The following OR51M1 variants were observed in gnomAD, a reference collection of about 807,000 sequenced individuals.
OR51M1 encodes the protein olfactory receptor family 51 subfamily M member 1, also known as olfactory receptor 51M1.
For synonymous variants in OR51M1, 199 were observed against 155.1 expected, an observed-to-expected ratio of 1.28 and a Z score of -2.10; for missense variants, 509 against 404.4, an observed-to-expected ratio of 1.26 and a Z score of -2.22.
chr11:5,389,914 C>G lies in OR51M1; in HGVS notation c.516C>G (p.Val172=). Residue 172 remains valine (V), a synonymous_variant, in exon 3 of 3, where the codon GTC becomes GTG. Transcript: ENST00000642046. ...GACCTGTGGCCACTATCCCTATTGT[C>G]CTCCTCCTGAAGGCTTTTCCCTACT... The part of the protein sequence containing the change: ...FRGPVATIPI[V]LLLKAFPYCG... 6.2e-7 allele frequency: 1 copy of G among 1,611,796 alleles called. No homozygotes were observed.
intron 2 of OR51M1, among the ~76,000 whole-genome samples, chr11:5,385,693 T>TATAA (rs374983877): frequency 0.18 from 27,171 of 150,886 alleles, 2,618 homozygotes; most frequent in African/African-American, 0.25. Flanking sequence ...ACCTATAATA[T>TATAA]ATATGTTGTA....
chr11:5,393,195 T>C lies in OR51M1; in HGVS notation c.*2816T>C, dbSNP rs1849822779. 1 of 152,186 alleles carries C rather than the reference T, an allele frequency of 6.6e-6. No homozygotes were observed. Among genetic ancestry groups the C allele is most frequent in the African/African-American group, 2.4e-5 (1 of 41,462 alleles). The allele number at this position is 152,186 out of a possible 1,614,324, so 9.4% of individuals were successfully genotyped here. ...CTAAATCCATCTCCTAGGTCAGTGATCAATAAATATGTGTTGAACTATTTA... is the reference window on the plus strand; with the variant it reads ...CTAAATCCATCTCCTAGGTCAGTGACCAATAAATATGTGTTGAACTATTTA... On this transcript the variant is annotated 3_prime_UTR_variant, in exon 3 of 3. Transcript: ENST00000642046.
chr11:5,389,395 A>C lies in OR51M1; in HGVS notation c.-4A>C. On this transcript the variant is annotated 5_prime_UTR_variant, in exon 3 of 3. Transcript: ENST00000642046. ...CCATTTATTTTCAGCTCAATCCCCG[A>C]GGAATGTCAGTCCAATATTCGCTCA... 6.2e-7 allele frequency: 1 copy of C among 1,610,042 alleles called. No individual in the cohort carries two copies. The highest frequency in any genetic ancestry group is 2.2e-5 in the East Asian group (1 of 44,812).
Position 5,389,621 on chromosome 11 carries a change from C to T in OR51M1, c.223C>T (p.Leu75=), listed in dbSNP as rs1327433792. ...TCTGCACACACCCATGTACTATCTA[C>T]TATCCTTGCTGGCCCTCACTGACCT... ...PRLHTPMYYL[L]SLLALTDLGL... The change falls in exon 3 of 3, where the codon CTA becomes TTA. Residue 75 remains leucine (L), a synonymous_variant. Transcript: ENST00000642046. 1.2e-6 allele frequency: 2 copies of T among 1,613,772 alleles called. No homozygotes were observed. The highest frequency in any genetic ancestry group is 3.3e-5 in the Admixed American group (2 of 60,032).
rs1849804259 is a variant in OR51M1 at position 5,392,102 on chromosome 11, T to TA, written c.*1729dup. On this transcript the variant is annotated 3_prime_UTR_variant, in exon 3 of 3. Coordinates refer to ENST00000642046, the MANE Select transcript of OR51M1 (RefSeq NM_001004756.3). ...ACAAACAAAATTACAAAGCGAAATT[T>TA]AAAAAAGAACCAAACTCTAAAAATA... 1 of 152,020 alleles carries TA rather than the reference T, an allele frequency of 6.6e-6. No individual in the cohort carries two copies. 9.4% of individuals were successfully genotyped at this position (152,020 alleles called of 1,614,324 possible). A position where few individuals can be genotyped will look rare whatever the true frequency, so the allele number is the denominator to read the frequency against.
rs186800052 is a variant in OR51M1 at position 5,389,541 on chromosome 11, T to C, written c.143T>C (p.Met48Thr). ...WIFIPFFFMY[M>T]VAISGNCFIL... ...TTCATCCCCTTTTTCTTTATGTACA[T>C]GGTTGCCATCTCAGGCAATTGTTTC... is the stretch of plus-strand genomic sequence containing the variant. The change falls in exon 3 of 3, where the codon ATG becomes ACG. Residue 48 changes from methionine to threonine, a missense_variant. By Grantham distance (81) the Met-to-Thr change is moderately conservative. Transcript: ENST00000642046. 4 of 1,613,962 alleles carry C rather than the reference T, an allele frequency of 2.5e-6. No homozygotes were observed. The highest frequency in any genetic ancestry group is 8.5e-7 in the Non-Finnish European group (1 of 1,179,884).
Position 5,389,932 on chromosome 11 carries a change from T to C in OR51M1, c.534T>C (p.Phe178=). The C allele has an allele frequency of 6.2e-7, 1 of 1,611,384 alleles. No individual in the cohort carries two copies. The highest frequency in any genetic ancestry group is 8.5e-7 in the Non-Finnish European group (1 of 1,179,884). Residue 178 remains phenylalanine, a synonymous_variant, in exon 3 of 3, where the codon TTT becomes TTC. Coordinates refer to ENST00000642046, the MANE Select transcript of OR51M1 (RefSeq NM_001004756.3). ...CTATTGTCCTCCTCCTGAAGGCTTT[T>C]CCCTACTGTGGATCTGTGGTCCTCT... ...TIPIVLLLKA[F]PYCGSVVLSH...
chr11:5,385,907 A>G (rs1849686705), intron 2 of OR51M1, among the ~76,000 whole-genome samples: 1 of 149,124 alleles, frequency 6.7e-6, no homozygotes, highest in South Asian at 2.1e-4. Context: ...ATTTAAACTT[A>G]TACATATGTG....
rs1162517370 is a variant in OR51M1 at position 5,389,717 on chromosome 11, G to C, written c.319G>C (p.Gly107Arg). The C allele has an allele frequency of 3.7e-6, 6 of 1,613,832 alleles. No homozygotes were observed. Residue 107 changes from glycine (G) to arginine (R), a missense_variant, in exon 3 of 3, where the codon GGA becomes CGA. Physicochemically the swap from Gly to Arg is moderately radical, Grantham distance 125. Coordinates refer to ENST00000642046, the MANE Select transcript of OR51M1 (RefSeq NM_001004756.3). ...FWFNSHSIYF[G>R]ACQIQMFCIH... ...GTTTAACTCCCATAGTATCTACTTT[G>C]GAGCGTGTCAAATCCAGATGTTCTG... is the stretch of plus-strand genomic sequence containing the variant.
At chr11:5,386,667 G>A (rs916980532) in intron 2 of OR51M1, among the ~76,000 whole-genome samples, 16 of 151,904 alleles carry the variant, frequency 1.1e-4, no homozygotes, top group Admixed American at 9.8e-4. Context: ...ATGGACCAAG[G>A]GAAGGAGGAG....
At chr11:5,388,410 T>C (rs1849735163) in intron 2 of OR51M1, among the ~76,000 whole-genome samples, 1 of 151,548 alleles carries the variant, frequency 6.6e-6, no homozygotes, top group East Asian at 1.9e-4. Flanking sequence ...TAAGAAGGCC[T>C]TCTGAAGGAC....
In OR51M1 at chr11:5,389,509, C is replaced by G; in HGVS notation, c.111C>G (p.His37Gln). The G allele has an allele frequency of 6.2e-7, 1 of 1,614,038 alleles. No individual in the cohort carries two copies. The highest frequency in any genetic ancestry group is 8.5e-7 in the Non-Finnish European group (1 of 1,179,890). ...TTCCTGGATTGGAAGGCATCAAACA[C>G]TGGATTTTCATCCCCTTTTTCTTTA... is the stretch of plus-strand genomic sequence containing the variant. ...TSFPGLEGIK[H>Q]WIFIPFFFMY... Residue 37 changes from histidine to glutamine, a missense_variant, in exon 3 of 3, where the codon CAC (histidine) becomes CAG (glutamine). His to Gln is a conservative substitution (Grantham distance 24). Transcript: ENST00000642046.
intron 2 of OR51M1, among the ~76,000 whole-genome samples, chr11:5,387,582 C>A (rs1476314822): frequency 6.6e-6 from 1 of 152,170 alleles, no homozygotes; most frequent in South Asian, 2.1e-4. Flanking sequence ...TCATACATGA[C>A]GTAGCATTTA....
chr11:5,390,894 A>G lies in OR51M1; in HGVS notation c.*515A>G, dbSNP rs76545626. ...CCCAAGTCACATCAGAAACCTCAGAACTCCTGCATTCTTCCTCAACACCTG... is the reference window on the plus strand; with the variant it reads ...CCCAAGTCACATCAGAAACCTCAGAGCTCCTGCATTCTTCCTCAACACCTG... On this transcript the variant is annotated 3_prime_UTR_variant, in exon 3 of 3. Coordinates refer to ENST00000642046, the MANE Select transcript of OR51M1 (RefSeq NM_001004756.3). The G allele has an allele frequency of 0.013, 1,990 of 153,212 alleles. 40 individuals are homozygous for G. Among genetic ancestry groups the G allele is most frequent in the African/African-American group, 0.045 (1,852 of 41,298 alleles). 9.5% of individuals were successfully genotyped at this position (153,212 alleles called of 1,614,324 possible).
In OR51M1 at chr11:5,390,198, T is replaced by C; in HGVS notation, c.800T>C (p.Met267Thr). ...LCAVLVFFVP[M>T]MGLSLVHRFG... ...GCTGTGCTAGTATTCTTTGTGCCCATGATGGGGCTGTCCCTGGTGCACCGT... is the reference window on the plus strand; with the variant it reads ...GCTGTGCTAGTATTCTTTGTGCCCACGATGGGGCTGTCCCTGGTGCACCGT... Residue 267 changes from methionine to threonine, a missense_variant, in exon 3 of 3, where the codon ATG (methionine) becomes ACG (threonine). By Grantham distance (81) the Met-to-Thr change is moderately conservative. Coordinates refer to ENST00000642046, the MANE Select transcript of OR51M1 (RefSeq NM_001004756.3). 6.2e-7 allele frequency: 1 copy of C among 1,614,018 alleles called. No individual in the cohort carries two copies. Among genetic ancestry groups the C allele is most frequent in the Non-Finnish European group, 8.5e-7 (1 of 1,179,882 alleles).
At position 5,392,210 on chromosome 11, in the gene OR51M1, C is replaced by A. The variant is rs749355230; in HGVS notation, c.*1831C>A. 4 of 152,218 alleles carry A rather than the reference C, an allele frequency of 2.6e-5. No homozygotes were observed. The highest frequency in any genetic ancestry group is 5.9e-5 in the Non-Finnish European group (4 of 68,048). 9.4% of individuals were successfully genotyped at this position (152,218 alleles called of 1,614,324 possible). A position where few individuals can be genotyped will look rare whatever the true frequency, so the allele number is the denominator to read the frequency against. On this transcript the variant is annotated 3_prime_UTR_variant, in exon 3 of 3. Coordinates refer to ENST00000642046, the MANE Select transcript of OR51M1 (RefSeq NM_001004756.3). ...GTGTGGGTGTTATCAGACTCTCAGG[C>A]TTGGGAGCCCCTCTGGAACCCAGCA... is the stretch of plus-strand genomic sequence containing the variant.
Position 5,389,582 on chromosome 11 carries a change from A to G in OR51M1, c.184A>G (p.Lys62Glu). The G allele has an allele frequency of 3.1e-6, 5 of 1,613,846 alleles. No individual in the cohort carries two copies. The highest frequency in any genetic ancestry group is 3.4e-6 in the Non-Finnish European group (4 of 1,179,850). ...CAATTGTTTCATTCTGATCATTATT[A>G]AGACCAACCCTCGTCTGCACACACC... ...SGNCFILIII[K>E]TNPRLHTPMY... The change falls in exon 3 of 3, where the codon AAG becomes GAG. Residue 62 changes from lysine (K) to glutamate (E), a missense_variant. Transcript: ENST00000642046.
At position 5,389,634 on chromosome 11, in the gene OR51M1, C is replaced by T. The variant is rs1849759705; in HGVS notation, c.236C>T (p.Ala79Val). The change falls in exon 3 of 3, where the codon GCC becomes GTC. Residue 79 changes from alanine (A) to valine (V), a missense_variant. By Grantham distance (64) the Ala-to-Val change is moderately conservative. Coordinates refer to ENST00000642046, the MANE Select transcript of OR51M1 (RefSeq NM_001004756.3). ...TPMYYLLSLL[A>V]LTDLGLCVST... is the part of the protein sequence containing the mutation. ...ATGTACTATCTACTATCCTTGCTGG[C>T]CCTCACTGACCTGGGGCTGTGTGTG... The T allele has an allele frequency of 6.2e-7, 1 of 1,613,646 alleles. No homozygotes were observed. Among genetic ancestry groups the T allele is most frequent in the Non-Finnish European group, 8.5e-7 (1 of 1,179,884 alleles).
At position 5,392,391 on chromosome 11, in the gene OR51M1, A is replaced by T. The variant is rs1849808893; in HGVS notation, c.*2012A>T. 6.6e-6 allele frequency: 1 copy of T among 152,234 alleles called. No homozygotes were observed. The allele number at this position is 152,234 out of a possible 1,614,324, so 9.4% of individuals were successfully genotyped here. A position where few individuals can be genotyped will look rare whatever the true frequency, so the allele number is the denominator to read the frequency against. On this transcript the variant is annotated 3_prime_UTR_variant, in exon 3 of 3. Coordinates refer to ENST00000642046, the MANE Select transcript of OR51M1 (RefSeq NM_001004756.3). ...AGGAAATTCCTATTCTATAGATCTC[A>T]TTTGGTAGAATGGGGTACAAAAAAT...
Sources: allele counts gnomAD v4.1 joint callset (sites outside exome capture counted in the v4.1 genomes callset), GRCh38; gene constraint gnomAD v4.1.1; transcripts MANE v1.5; gene names NCBI Gene and HGNC (gene_info 2026-07-23, HGNC 2026-07-21).